CFAP20: variants seen among roughly 807,000 people sequenced by gnomAD.
CFAP20 encodes the protein cilia- and flagella-associated protein 20.
A neutral mutation model predicts 25.5 loss-of-function variants in CFAP20; 14 were observed. The ratio of observed to expected loss-of-function variants is 0.55; its 90% CI spans 0.36 to 0.86. The LOEUF (loss-of-function observed/expected upper bound fraction) is 0.86. Ranked by LOEUF, CFAP20 falls within the 40% of genes least tolerant of loss-of-function variation. The pLI, the probability that CFAP20 is intolerant of heterozygous loss-of-function variation, is 0.01. For synonymous variants in CFAP20, 75 were observed against 91.1 expected (o/e 0.82, Z 1.01); for missense variants, 181 against 248.0 (o/e 0.73, Z 1.81).
At chr16:58,114,525 C>CAAAAAAAAA (rs57272078) in intron 5 of CFAP20, among the ~76,000 whole-genome samples, 20 of 128,994 alleles carry the variant, frequency 1.6e-4, no homozygotes, top group Middle Eastern at 4.0e-3. Flanking sequence ...GACTCCATCT[C>CAAAAAAAAA]AAAAAAAAAA....
At chr16:58,121,435 T>C (rs1427761606) in intron 1 of CFAP20, among the ~76,000 whole-genome samples, 1 of 152,216 alleles carries the variant, frequency 6.6e-6, no homozygotes, top group East Asian at 1.9e-4. Flanking sequence ...GAGCCGACTG[T>C]TTTTGATTTG....
At chr16:58,115,791 T>C (rs1960449768) in intron 3 of CFAP20, 2 of 513,990 alleles carry the variant, frequency 3.9e-6, no homozygotes, top group Non-Finnish European at 7.0e-6. Flanking sequence ...ACTCCCCAAA[T>C]GGATACCACG....
At chr16:58,118,283 C>T (rs1243589742) in intron 1 of CFAP20, among the ~76,000 whole-genome samples, 1 of 151,544 alleles carries the variant, frequency 6.6e-6, no homozygotes, top group African/African-American at 2.4e-5. Flanking sequence ...AGTTCAAGAT[C>T]AGCTTGGGCA....
chr16:58,113,928 A>G lies in CFAP20; in HGVS notation c.*97T>C, dbSNP rs146142113. 3 of 1,395,074 alleles carry G rather than the reference A, an allele frequency of 2.2e-6. No homozygotes were observed. The highest frequency in any genetic ancestry group is 3.1e-6 in the Non-Finnish European group (3 of 981,904). 86.4% of individuals were successfully genotyped at this position (1,395,074 alleles called of 1,614,324 possible). A position where few individuals can be genotyped will look rare whatever the true frequency, so the allele number is the denominator to read the frequency against. The stretch of plus-strand genomic sequence containing the variant: ...TAAATAACAGAACTACAGCAGAGCA[A>G]ACTAAGATAAATATGTTTTTGCATC... On this transcript the variant is annotated 3_prime_UTR_variant, in exon 6 of 6. Transcript: ENST00000262498.
At chr16:58,123,628 A>AAAAAAAAAAAAAAAAAAAAC (rs1960569277) in intron 1 of CFAP20, among the ~76,000 whole-genome samples, 1 of 142,758 alleles carries the variant, frequency 7.0e-6, no homozygotes, top group African/African-American at 2.6e-5. Flanking sequence ...AAAAAAAAAA[A>AAAAAAAAAAAAAAAAAAAAC]AGACTGAAAA....
At chr16:58,115,245 C>T (rs191235633) in intron 4 of CFAP20, 24 bp downstream of exon 4, 1 of 1,613,768 alleles carries the variant, frequency 6.2e-7, no homozygotes, top group Non-Finnish European at 8.5e-7. Context: ...CAACCCAGGG[C>T]TCTATCTGGG....
intron 1 of CFAP20, among the ~76,000 whole-genome samples, chr16:58,126,934 C>G (rs556595309): frequency 9.3e-4 from 142 of 152,258 alleles, no homozygotes; most frequent in African/African-American, 3.4e-3. Context: ...ATCCTCAATT[C>G]TAAATATTTT....
At chr16:58,118,049 AG>A (rs772385604) in intron 1 of CFAP20, among the ~76,000 whole-genome samples, 26 of 152,172 alleles carry the variant, frequency 1.7e-4, no homozygotes, top group Non-Finnish European at 2.2e-4. Flanking sequence ...CATATGTAGG[AG>A]GTAGATGATG....
At chr16:58,125,556 G>A (rs1257399930) in intron 1 of CFAP20, among the ~76,000 whole-genome samples, 2 of 151,984 alleles carry the variant, frequency 1.3e-5, no homozygotes. Context: ...TGGTGGTGAG[G>A]GCCTGTAGTC....
At position 58,116,165 on chromosome 16, in the gene CFAP20, G is replaced by A. The variant is rs748118318; in HGVS notation, c.165-13C>T. On this transcript the variant is annotated splice_polypyrimidine_tract_variant and intron_variant, in intron 2 of 5. Coordinates refer to ENST00000262498, the MANE Select transcript of CFAP20 (RefSeq NM_013242.3). ...GATATATGTGGTGCTGTAGAGAGAG[G>A]AAATACTAATAAACACACTCCTGGA... is the stretch of plus-strand genomic sequence containing the variant. 5.8e-6 allele frequency: 9 copies of A among 1,564,762 alleles called. No homozygotes were observed. The highest frequency in any genetic ancestry group is 7.9e-6 in the Non-Finnish European group (9 of 1,135,564).
At chr16:58,117,602 T>G (rs917094654) in intron 1 of CFAP20, among the ~76,000 whole-genome samples, 7 of 152,114 alleles carry the variant, frequency 4.6e-5, no homozygotes, top group African/African-American at 9.7e-5. Flanking sequence ...CCGATTTTTT[T>G]TTTTGTATCT....
chr16:58,115,453 A>C lies in CFAP20; in HGVS notation c.281T>G (p.Leu94Arg), dbSNP rs1464669271. The C allele has an allele frequency of 3.1e-6, 5 of 1,614,136 alleles. No homozygotes were observed. The highest frequency in any genetic ancestry group is 4.2e-6 in the Non-Finnish European group (5 of 1,179,992). Residue 94 changes from leucine (L) to arginine (R), a missense_variant, in exon 4 of 6, where the codon CTA becomes CGA. By Grantham distance (102) the Leu-to-Arg change is moderately radical. Coordinates refer to ENST00000262498, the MANE Select transcript of CFAP20 (RefSeq NM_013242.3). ...KKYFTFEVQVLDDKNVRRRFR... is the reference protein window; with the variant it reads ...KKYFTFEVQVRDDKNVRRRFR... ...GCGACGACGCACATTCTTGTCATCT[A>C]GTACCTGTGAAATACAGAGAAGAAG...
chr16:58,113,756 G>C lies in CFAP20; in HGVS notation c.*269C>G, dbSNP rs562361208. 2.2e-6 allele frequency: 1 copy of C among 463,484 alleles called. No homozygotes were observed. The highest frequency in any genetic ancestry group is 3.9e-6 in the Non-Finnish European group (1 of 255,482). The allele number at this position is 463,484 out of a possible 1,614,324, so 28.7% of individuals were successfully genotyped here. A position where few individuals can be genotyped will look rare whatever the true frequency, so the allele number is the denominator to read the frequency against. On this transcript the variant is annotated 3_prime_UTR_variant, in exon 6 of 6. Transcript: ENST00000262498. ...TTTAATTCTGTAAGTTCATGGTAAA[G>C]GTATCTCCCCCCACACTGGGGCAGG...
At position 58,125,514 on chromosome 16, in the gene CFAP20, G is replaced by A. The variant is rs376714358; in HGVS notation, c.84+3518C>T. ...AGCCTGGGCAACATGGAGAAACCCC[G>A]TCTCTACAAAAATACAAAAATTAGT... is the stretch of plus-strand genomic sequence containing the variant. On this transcript the variant is annotated intron_variant, in intron 1 of 5. Transcript: ENST00000262498. 1.3e-4 allele frequency among the ~76,000 whole-genome samples: 19 copies of A among 151,982 alleles called. No homozygotes were observed. The East Asian group carries it at 2.7e-3, about 22-fold the overall frequency.
chr16:58,123,163 T>G (rs1960559473), intron 1 of CFAP20, among the ~76,000 whole-genome samples: 1 of 151,824 alleles, frequency 6.6e-6, no homozygotes, highest in African/African-American at 2.4e-5. Context: ...CCCGGCTAAC[T>G]TTTGTATTTT....
At position 58,113,722 on chromosome 16, in the gene CFAP20, T is replaced by C; in HGVS notation, c.*303A>G. ...AGAAATATTGGTCTGGAATTCCTTA[T>C]GGGCCATCTTTAATTCTGTAAGTTC... On this transcript the variant is annotated 3_prime_UTR_variant, in exon 6 of 6. Coordinates refer to ENST00000262498, the MANE Select transcript of CFAP20 (RefSeq NM_013242.3). The C allele has an allele frequency of 2.7e-6, 1 of 367,010 alleles. No homozygotes were observed. Among genetic ancestry groups the C allele is most frequent in the Non-Finnish European group, 5.0e-6 (1 of 199,102 alleles). The allele number at this position is 367,010 out of a possible 1,614,324, so 22.7% of individuals were successfully genotyped here.
At chr16:58,118,900 GT>G (rs892921189) in intron 1 of CFAP20, among the ~76,000 whole-genome samples, 3 of 152,090 alleles carry the variant, frequency 2.0e-5, no homozygotes, top group Admixed American at 6.6e-5. Flanking sequence ...GATCAACTAG[GT>G]TTAGAACAGG....
At chr16:58,126,721 A>G (rs565024238) in intron 1 of CFAP20, among the ~76,000 whole-genome samples, 9 of 152,226 alleles carry the variant, frequency 5.9e-5, no homozygotes, top group African/African-American at 2.2e-4. Context: ...TATCTTCCCA[A>G]GTCTACACAA....
chr16:58,128,886 T>C, intron 1 of CFAP20, 146 bp downstream of exon 1: 1 of 356,350 alleles, frequency 2.8e-6, no homozygotes, highest in Non-Finnish European at 3.6e-6. Flanking sequence ...CGCGCCCCAG[T>C]CCCGCCAGGC....
Sources: allele counts gnomAD v4.1 joint callset (sites outside exome capture counted in the v4.1 genomes callset), GRCh38; gene constraint gnomAD v4.1.1; transcripts MANE v1.5; gene names NCBI Gene and HGNC (gene_info 2026-07-23, HGNC 2026-07-21).